MSI2: variants seen among roughly 807,000 people sequenced by gnomAD.
MSI2 encodes the protein RNA-binding protein Musashi homolog 2.
In MSI2, 17 loss-of-function variants were observed where a neutral mutation model predicts 45.6. The ratio of observed to expected loss-of-function variants is 0.37; its 90% CI spans 0.26 to 0.56. MSI2 has a LOEUF of 0.56. MSI2 is among the 20% of genes least tolerant of loss of function. The pLI is 0.77. For synonymous variants in MSI2, 156 were observed against 158.2 expected (o/e 0.99, Z 0.11); for missense variants, 293 against 444.2 (o/e 0.66, Z 3.06).
At chr17:57,446,879 G>A (rs1023654164) in intron 6 of MSI2, among the ~76,000 whole-genome samples, 1 of 152,160 alleles carries the variant, frequency 6.6e-6, no homozygotes, top group Non-Finnish European at 1.5e-5. Flanking sequence ...GAACCTTTTG[G>A]GAAGAAAAGC....
intron 5 of MSI2, among the ~76,000 whole-genome samples, chr17:57,357,345 C>T (rs188739557): frequency 3.7e-3 from 566 of 152,174 alleles, no homozygotes; most frequent in Non-Finnish European, 6.0e-3. Context: ...CAGAGTCCAC[C>T]GCCGGTGGGA....
In MSI2 at chr17:57,682,999, ACAAACAGCCTCGCGCTCTATAC is replaced by A. The variant is rs1212483462; in HGVS notation, c.*3503_*3524del. On this transcript the variant is annotated 3_prime_UTR_variant, in exon 14 of 14. Transcript: ENST00000284073. ...GTGGCCTTCCTTATATCCACTGGGA[ACAAACAGCCTCGCGCTCTATAC>A]CAAACAGCCTCGCGCTCTATCCCAG... 3.5e-5 allele frequency: 8 copies of A among 229,352 alleles called. No individual in the cohort carries two copies. Among genetic ancestry groups the A allele is most frequent in the Non-Finnish European group, 6.1e-5 (7 of 115,676 alleles). The allele number at this position is 229,352 out of a possible 1,614,324, so 14.2% of individuals were successfully genotyped here.
chr17:57,486,708 A>G (rs77662159), intron 6 of MSI2, among the ~76,000 whole-genome samples: 3,032 of 152,286 alleles, frequency 0.02, 70 homozygotes, highest in South Asian at 0.057. Context: ...GAGGATACAA[A>G]TGGCGGTCCA....
chr17:57,588,185 C>CGG (rs568317125), intron 7 of MSI2, among the ~76,000 whole-genome samples: 392 of 152,276 alleles, frequency 2.6e-3, no homozygotes, highest in Non-Finnish European at 4.7e-3. Context: ...GCATCCATCG[C>CGG]GGGCTTGTTT....
chr17:57,590,750 G>A (rs183771442), intron 7 of MSI2, among the ~76,000 whole-genome samples: 235 of 152,238 alleles, frequency 1.5e-3, no homozygotes, highest in African/African-American at 5.1e-3. Flanking sequence ...TAGGAGAGGC[G>A]GGGCAGGTGC....
chr17:57,599,140 A>G (rs1905572825), intron 8 of MSI2, among the ~76,000 whole-genome samples: 1 of 152,236 alleles, frequency 6.6e-6, no homozygotes, highest in African/African-American at 2.4e-5. Context: ...CCAAGCCTTA[A>G]GGGTTCATCA....
chr17:57,451,223 G>A (rs1015077530), intron 6 of MSI2, among the ~76,000 whole-genome samples: 4 of 152,238 alleles, frequency 2.6e-5, no homozygotes, highest in East Asian at 3.9e-4. Flanking sequence ...AACTCTCTGC[G>A]AGACATCTGT....
intron 5 of MSI2, among the ~76,000 whole-genome samples, chr17:57,272,275 C>T (rs1015533439): frequency 6.6e-6 from 1 of 152,202 alleles, no homozygotes; most frequent in African/African-American, 2.4e-5. Context: ...TTCCCACCTG[C>T]TGAAAAGTAA....
chr17:57,446,287 GA>G (rs1219684589), intron 6 of MSI2, among the ~76,000 whole-genome samples: 4 of 152,238 alleles, frequency 2.6e-5, no homozygotes, highest in South Asian at 2.1e-4. Context: ...TGACTTCAGG[GA>G]ACAGAAGGAA....
Position 57,529,625 on chromosome 17 carries a change from G to A in MSI2, c.406-51G>A. The A allele has an allele frequency of 1.3e-6, 2 of 1,557,014 alleles. No individual in the cohort carries two copies. Among genetic ancestry groups the A allele is most frequent in the African/African-American group, 1.4e-5 (1 of 73,266 alleles). On this transcript the variant is annotated intron_variant, in intron 6 of 13. Transcript: ENST00000284073. The surrounding 1 kb of genome is among the most constrained non-coding windows in gnomAD (Gnocchi z 5.3). Reference sequence around the variant, plus strand: ...CCCCGACATGCATATAATGTTTTGTGTACTTTCTTAAAATTCCTAAGGCAG... The same window carrying A: ...CCCCGACATGCATATAATGTTTTGTATACTTTCTTAAAATTCCTAAGGCAG...
At chr17:57,644,779 G>A (rs114555325) in intron 10 of MSI2, among the ~76,000 whole-genome samples, 396 of 152,182 alleles carry the variant, frequency 2.6e-3, no homozygotes, top group Middle Eastern at 0.01. Flanking sequence ...ATTCGGGGCC[G>A]GTGATGCATA....
At chr17:57,445,760 A>C (rs1041845124) in intron 6 of MSI2, among the ~76,000 whole-genome samples, 4 of 152,250 alleles carry the variant, frequency 2.6e-5, no homozygotes, top group Admixed American at 1.3e-4. Flanking sequence ...AGTACTTACC[A>C]GTGTTCCCCG....
Position 57,407,771 on chromosome 17 carries a change from T to C in MSI2, c.405+6300T>C, listed in dbSNP as rs1432336365. On this transcript the variant is annotated intron_variant, in intron 6 of 13. Transcript: ENST00000284073. The surrounding 1 kb of genome is among the most constrained non-coding windows in gnomAD (Gnocchi z 4.1). Reference sequence around the variant, plus strand: ...GCTCTTCCCTGGCTGAAGGCTACTTTTGTGTTTAAATTTTCTTCCTCTAAT... The same window carrying C: ...GCTCTTCCCTGGCTGAAGGCTACTTCTGTGTTTAAATTTTCTTCCTCTAAT... 6.6e-6 allele frequency among the ~76,000 whole-genome samples: 1 copy of C among 152,242 alleles called. No individual in the cohort carries two copies. The highest frequency in any genetic ancestry group is 6.5e-5 in the Admixed American group (1 of 15,288).
At chr17:57,377,137 G>A (rs755174217) in intron 5 of MSI2, among the ~76,000 whole-genome samples, 12 of 152,204 alleles carry the variant, frequency 7.9e-5, no homozygotes, top group South Asian at 2.1e-4. Context: ...TACCAGGATG[G>A]TCTCGATCTC....
chr17:57,440,467 T>TGTGTGTGTGTGTGTGTGTGTG (rs2084779162), intron 6 of MSI2, among the ~76,000 whole-genome samples: 1 of 140,286 alleles, frequency 7.1e-6, no homozygotes, highest in Admixed American at 7.1e-5. Context: ...TGTGTGTGTG[T>TGTGTGTGTGTGTGTGTGTGTG]AGCGTGGCTG....
At chr17:57,595,370 T>G (rs1279917644) in intron 7 of MSI2, among the ~76,000 whole-genome samples, 1 of 151,518 alleles carries the variant, frequency 6.6e-6, no homozygotes, top group East Asian at 1.9e-4. Flanking sequence ...TGTGTCTGGC[T>G]TAGTGTTCAG....
chr17:57,684,849 G>A (rs1913825120), downstream of MSI2, among the ~76,000 whole-genome samples: 1 of 152,134 alleles, frequency 6.6e-6, no homozygotes, highest in East Asian at 1.9e-4. Flanking sequence ...TCCCTGCCTT[G>A]TCCCCAGGGA....
intron 5 of MSI2, among the ~76,000 whole-genome samples, chr17:57,290,423 C>G (rs1290521574): frequency 6.6e-6 from 1 of 152,238 alleles, no homozygotes; most frequent in African/African-American, 2.4e-5. Context: ...AGTCCTCCCA[C>G]CTCAGCCTCC....
intron 5 of MSI2, among the ~76,000 whole-genome samples, chr17:57,314,564 ATTTTTTTTT>A (rs56937102): frequency 1.1e-4 from 7 of 61,638 alleles, no homozygotes; most frequent in Admixed American, 2.0e-4. Context: ...AGGCACCTGG[ATTTTTTTTT>A]TTTTTTTTTT....
Sources: gnomAD v4.1 joint callset for allele counts (sites outside exome capture counted in the v4.1 genomes callset) on GRCh38, gnomAD v4.1.1 for gene constraint, Gnocchi (gnomAD v3.1) non-coding constraint, MANE v1.5 for transcripts, NCBI Gene and HGNC (gene_info 2026-07-23, HGNC 2026-07-21) for gene names.